CRYBG1: variants seen among roughly 807,000 people sequenced by gnomAD.
The protein encoded by CRYBG1 is crystallin beta-gamma domain containing 1, also known as beta/gamma crystallin domain-containing protein 1.
Under a neutral mutation model 189.2 loss-of-function variants are expected in CRYBG1, and 139 were observed. The ratio of observed to expected loss-of-function variants is 0.73; its 90% CI spans 0.64 to 0.85. The LOEUF is 0.85. Among genes scored for constraint, CRYBG1 ranks in the 40% least tolerant of loss-of-function variants. The probability of loss-of-function intolerance (pLI) is 0.00; values close to 1 mark genes in which losing one functional copy is unlikely to be tolerated. For missense variants in CRYBG1, 2,611 were observed against 2,675.8 expected (o/e 0.98, Z 0.53); for synonymous variants, 1,023 against 1,017.1 (o/e 1.01, Z -0.11).
At chr6:106,516,518 G>A (rs1253545198) in intron 3 of CRYBG1, among the ~76,000 whole-genome samples, 1 of 152,162 alleles carries the variant, frequency 6.6e-6, no homozygotes. Context: ...ACAAGCATGA[G>A]CCACCACACC....
intron 1 of CRYBG1, among the ~76,000 whole-genome samples, chr6:106,448,864 G>A (rs1230157264): frequency 6.6e-6 from 1 of 152,176 alleles, no homozygotes; most frequent in African/African-American, 2.4e-5. Context: ...AAAGAAGCCT[G>A]CTAGGTGGCT....
chr6:106,377,266 A>G (rs937416161), intron 1 of CRYBG1, among the ~76,000 whole-genome samples: 1 of 151,910 alleles, frequency 6.6e-6, no homozygotes, highest in African/African-American at 2.4e-5. Context: ...CCTTGTAGAA[A>G]GCACTCTCAG....
chr6:106,448,087 G>A (rs1562309901), intron 1 of CRYBG1, among the ~76,000 whole-genome samples: 1 of 152,138 alleles, frequency 6.6e-6, no homozygotes, highest in Non-Finnish European at 1.5e-5. Context: ...CTGAGTTTCC[G>A]GGGCTGGGCA....
intron 1 of CRYBG1, among the ~76,000 whole-genome samples, chr6:106,394,683 C>T (rs766334999): frequency 2.0e-5 from 3 of 152,114 alleles, no homozygotes; most frequent in Non-Finnish European, 2.9e-5. Flanking sequence ...CATAATAGTG[C>T]ATTGGAGTTA....
chr6:106,512,980 C>T lies in CRYBG1; in HGVS notation c.1863C>T (p.Gly621=), dbSNP rs1382613727. The T allele has an allele frequency of 2.5e-6, 4 of 1,610,892 alleles. No homozygotes were observed. The change falls in exon 3 of 22, where the codon GGC becomes GGT. Residue 621 remains glycine, a synonymous_variant. Coordinates refer to ENST00000633556, the MANE Select transcript of CRYBG1 (RefSeq NM_001371242.2). The part of the protein sequence containing the change: ...AGAPGASDAD[G]LKPRNHFGVG... ...CGCCTGGAGCTTCTGACGCCGACGG[C>T]TTGAAGCCCAGGAACCATTTCGGCG...
chr6:106,445,940 C>G (rs773200347), intron 1 of CRYBG1, among the ~76,000 whole-genome samples: 1 of 152,192 alleles, frequency 6.6e-6, no homozygotes, highest in Admixed American at 6.5e-5. Flanking sequence ...TTACATGGCT[C>G]TATCCTCACA....
chr6:106,409,843 C>T (rs1023085708), intron 1 of CRYBG1, among the ~76,000 whole-genome samples: 1 of 152,098 alleles, frequency 6.6e-6, no homozygotes, highest in Admixed American at 6.5e-5. Context: ...GAATCTGTAC[C>T]CCTTCCTTAC....
rs796718957 is a variant in CRYBG1, at chr6:106,481,915, G to A, written c.313-29515G>A. On this transcript the variant is annotated intron_variant, in intron 2 of 21. Transcript: ENST00000633556. Reference sequence around the variant, plus strand: ...TTCCCCAAGTCTTGTGCACACGTTTGCCCCTTTATTAGACTGTCATCAGAT... The same window carrying A: ...TTCCCCAAGTCTTGTGCACACGTTTACCCCTTTATTAGACTGTCATCAGAT... Among the ~76,000 whole-genome samples the A allele has an allele frequency of 5.3e-5, 8 of 152,180 alleles. No individual in the cohort carries two copies. The South Asian group carries it at 1.7e-3, about 32-fold the overall frequency.
chr6:106,520,973 C>A lies in CRYBG1; in HGVS notation c.3765C>A (p.Ile1255=). Reference sequence around the variant, plus strand: ...TATCTTCTTTACCACAAGACAAAATCTTTTCTCCTTCTGTGACATCAGTCA... The same window carrying A: ...TATCTTCTTTACCACAAGACAAAATATTTTCTCCTTCTGTGACATCAGTCA... ...SLLSSLPQDK[I]FSPSVTSVNT... Residue 1255 remains isoleucine (I), a synonymous_variant, in exon 4 of 22, where the codon ATC becomes ATA. Transcript: ENST00000633556. 2 of 1,614,144 alleles carry A rather than the reference C, an allele frequency of 1.2e-6. No individual in the cohort carries two copies. Among genetic ancestry groups the A allele is most frequent in the Middle Eastern group, 1.6e-4 (1 of 6,062 alleles).
chr6:106,455,472 T>A (rs1771866607), intron 2 of CRYBG1, among the ~76,000 whole-genome samples: 1 of 151,442 alleles, frequency 6.6e-6, no homozygotes, highest in South Asian at 2.1e-4. Context: ...ATACCCTTTA[T>A]GAATTAAAGT....
rs1773883847 is a variant in CRYBG1, at chr6:106,531,962, A to G, written c.4718+1647A>G. 2.0e-5 allele frequency among the ~76,000 whole-genome samples: 3 copies of G among 152,194 alleles called. No individual in the cohort carries two copies. The South Asian group carries it at 6.2e-4, about 31-fold the overall frequency. Reference sequence around the variant, plus strand: ...GGTGTAGAGAACAATATTAATTTAAATATCTCCTCTTGATGTATAAAGTTA... The same window carrying G: ...GGTGTAGAGAACAATATTAATTTAAGTATCTCCTCTTGATGTATAAAGTTA... On this transcript the variant is annotated intron_variant, in intron 8 of 21. Transcript: ENST00000633556.
At chr6:106,555,682 G>A in intron 16 of CRYBG1, 86 bp from the exon 17 acceptor site, 1 of 1,478,958 alleles carries the variant, frequency 6.8e-7, no homozygotes, top group Non-Finnish European at 9.2e-7. Context: ...TTATTTTATA[G>A]CAGGCCACCT....
chr6:106,422,509 G>GT (rs58661826), intron 1 of CRYBG1, among the ~76,000 whole-genome samples: 1 of 151,346 alleles, frequency 6.6e-6, no homozygotes, highest in Non-Finnish European at 1.5e-5. Context: ...TTTTTGTATT[G>GT]TTTTTTAGAG....
At chr6:106,541,905 A>G (rs1245517478) in intron 10 of CRYBG1, among the ~76,000 whole-genome samples, 4 of 152,152 alleles carry the variant, frequency 2.6e-5, no homozygotes, top group Non-Finnish European at 5.9e-5. Context: ...AACAATTTGC[A>G]GTTGTATTTA....
chr6:106,543,299 G>T, intron 10 of CRYBG1, 141 bp from the exon 11 acceptor site: 2 of 736,536 alleles, frequency 2.7e-6, no homozygotes, highest in Non-Finnish European at 2.2e-6. Context: ...CAAAGTGCTG[G>T]GATAACAGGC....
chr6:106,554,870 AAAC>A (rs540215816), intron 16 of CRYBG1, among the ~76,000 whole-genome samples: 6 of 152,126 alleles, frequency 3.9e-5, no homozygotes, highest in East Asian at 1.9e-4. Flanking sequence ...GTTGGGTTAA[AAAC>A]AACAACAACA....
At chr6:106,394,803 G>A (rs139324075) in intron 1 of CRYBG1, among the ~76,000 whole-genome samples, 1 of 151,782 alleles carries the variant, frequency 6.6e-6, no homozygotes, top group East Asian at 1.9e-4. Context: ...CCTTTAGTAG[G>A]TAGTGCAGTG....
intron 1 of CRYBG1, among the ~76,000 whole-genome samples, chr6:106,426,855 T>C (rs1451584058): frequency 6.6e-6 from 1 of 152,212 alleles, no homozygotes; most frequent in Non-Finnish European, 1.5e-5. Flanking sequence ...TCCTTCAACA[T>C]GGAAGGAAAC....
At chr6:106,462,321 C>T (rs1242808685) in intron 2 of CRYBG1, among the ~76,000 whole-genome samples, 1 of 152,200 alleles carries the variant, frequency 6.6e-6, no homozygotes, top group Non-Finnish European at 1.5e-5. Flanking sequence ...CAGGCGCCCG[C>T]CACCATGCCC....
Sources: allele counts gnomAD v4.1 joint callset (sites outside exome capture counted in the v4.1 genomes callset), GRCh38; gene constraint gnomAD v4.1.1; transcripts MANE v1.5; gene names NCBI Gene and HGNC (gene_info 2026-07-23, HGNC 2026-07-21).